FRMD4A: variants seen among roughly 807,000 people sequenced by gnomAD.
FRMD4A encodes the protein FERM domain-containing protein 4A.
FRMD4A carries 29 observed loss-of-function variants against 129.1 expected under a neutral mutation model. That is an observed-to-expected ratio of 0.22 (90% CI 0.17 to 0.31). The LOEUF is 0.31. Among genes scored for constraint, FRMD4A ranks in the 10% least tolerant of loss-of-function variants. The pLI is 1.00. For missense variants in FRMD4A, 1,272 were observed against 1,375.8 expected, an observed-to-expected ratio of 0.92 and a Z score of 1.19; for synonymous variants, 634 against 571.6, an observed-to-expected ratio of 1.11 and a Z score of -1.56.
At chr10:13,680,422 C>A (rs567314617) in intron 15 of FRMD4A, among the ~76,000 whole-genome samples, 18 of 150,144 alleles carry the variant, frequency 1.2e-4, no homozygotes, top group Non-Finnish European at 2.2e-4. Context: ...TTGTGTTTAG[C>A]CCCTTGGAAA....
intron 2 of FRMD4A, among the ~76,000 whole-genome samples, chr10:13,955,076 T>C (rs928325899): frequency 6.7e-6 from 1 of 150,232 alleles, no homozygotes; most frequent in Non-Finnish European, 1.5e-5. Context: ...GGTAAGGTAG[T>C]CTTCCAACTC....
intron 3 of FRMD4A, among the ~76,000 whole-genome samples, chr10:13,840,184 C>A (rs149340459): frequency 2.0e-4 from 30 of 152,218 alleles, no homozygotes; most frequent in Middle Eastern, 3.4e-3. Context: ...GAGATAGGAT[C>A]TTTAGGAGGT....
chr10:13,902,827 G>A (rs2094836353), intron 2 of FRMD4A, among the ~76,000 whole-genome samples: 1 of 139,654 alleles, frequency 7.2e-6, no homozygotes, highest in Admixed American at 7.3e-5. Flanking sequence ...ATGACAGAGT[G>A]AGATGCAGTC....
intron 17 of FRMD4A, chr10:13,668,454 G>A (rs2083238835): frequency 6.6e-6 from 1 of 152,262 alleles, no homozygotes; most frequent in South Asian, 2.1e-4. Flanking sequence ...GCAAATGTCT[G>A]CCTGTTATAT....
rs187408618 is a variant in FRMD4A at position 13,684,865 on chromosome 10, C to T, written c.1117+9033G>A. ...GAAATGACAATCCGTCTCTTTAGACCTTAGAGAAAAAAAAAAAAAAATGAA... is the reference window on the plus strand; with the variant it reads ...GAAATGACAATCCGTCTCTTTAGACTTTAGAGAAAAAAAAAAAAAAATGAA... On this transcript the variant is annotated intron_variant, in intron 15 of 24. Transcript: ENST00000357447. 63 of 969,408 alleles carry T rather than the reference C, an allele frequency of 6.5e-5. No homozygotes were observed. In the East Asian group the frequency reaches 6.3e-3, roughly 97 times the overall value. The allele number at this position is 969,408 out of a possible 1,614,324, so 60.1% of individuals were successfully genotyped here.
intron 2 of FRMD4A, among the ~76,000 whole-genome samples, chr10:13,969,324 C>T (rs551023179): frequency 9.8e-5 from 15 of 152,354 alleles, no homozygotes; most frequent in African/African-American, 2.9e-4. Flanking sequence ...CAGACAAGCA[C>T]GAGGCGTGGT....
chr10:14,323,797 G>A (rs903050797), intron 2 of FRMD4A, among the ~76,000 whole-genome samples: 6 of 152,274 alleles, frequency 3.9e-5, no homozygotes, highest in South Asian at 2.1e-4. Flanking sequence ...TAATTGGCCC[G>A]CGAAGAGCCT....
At chr10:13,671,921 G>A (rs913860085) in intron 16 of FRMD4A, among the ~76,000 whole-genome samples, 23 of 152,312 alleles carry the variant, frequency 1.5e-4, no homozygotes, top group Admixed American at 1.4e-3. Context: ...AAGTTCAGGA[G>A]GCTTTTCTCA....
At position 13,804,523 on chromosome 10, in the gene FRMD4A, T is replaced by TTTTCTTTCTTTCTTTCTTTC. The variant is rs35515807; in HGVS notation, c.206+6271_206+6290dup. 4.0e-4 allele frequency among the ~76,000 whole-genome samples: 58 copies of TTTTCTTTCTTTCTTTCTTTC among 146,746 alleles called. 1 individual carries two copies. The highest frequency in any genetic ancestry group is 1.0e-3 in the African/African-American group (41 of 39,236). On this transcript the variant is annotated intron_variant, in intron 4 of 24. Transcript: ENST00000357447. ...GATGCATCTTCAATGAGTCAGGACT[T>TTTTCTTTCTTTCTTTCTTTC]TTTCTTTCTTTCTTTCTTTCTTTAT...
chr10:13,827,083 A>C (rs1362696308), intron 3 of FRMD4A, among the ~76,000 whole-genome samples: 4 of 152,216 alleles, frequency 2.6e-5, no homozygotes, highest in Non-Finnish European at 5.9e-5. Context: ...AAGTAAGACA[A>C]AGTCCATTGA....
intron 3 of FRMD4A, among the ~76,000 whole-genome samples, chr10:13,827,999 A>G (rs2093729895): frequency 6.6e-6 from 1 of 152,166 alleles, no homozygotes; most frequent in Non-Finnish European, 1.5e-5. Flanking sequence ...CTCTGCAGAG[A>G]GAGCTGCCTT....
intron 2 of FRMD4A, among the ~76,000 whole-genome samples, chr10:14,183,353 C>T (rs545864158): frequency 2.0e-5 from 3 of 152,248 alleles, no homozygotes; most frequent in Non-Finnish European, 2.9e-5. Context: ...AAAGCTCATT[C>T]TTCTAAGTTA....
At chr10:13,838,101 T>C (rs2093904060) in intron 3 of FRMD4A, among the ~76,000 whole-genome samples, 1 of 152,098 alleles carries the variant, frequency 6.6e-6, no homozygotes, top group Non-Finnish European at 1.5e-5. Flanking sequence ...TTTATTTAGT[T>C]ATTTAGAGGT....
chr10:14,200,734 C>T (rs778319210), intron 2 of FRMD4A, among the ~76,000 whole-genome samples: 1 of 152,224 alleles, frequency 6.6e-6, no homozygotes, highest in Non-Finnish European at 1.5e-5. Context: ...GTCCCAGTGG[C>T]AAGCTATGGC....
chr10:14,059,420 G>C (rs1193000261), intron 2 of FRMD4A, among the ~76,000 whole-genome samples: 1 of 152,112 alleles, frequency 6.6e-6, no homozygotes, highest in Admixed American at 6.5e-5. Flanking sequence ...GCCCTGATTG[G>C]ATAGGATTAG....
At chr10:13,913,049 G>A (rs1276129303) in intron 2 of FRMD4A, among the ~76,000 whole-genome samples, 1 of 150,602 alleles carries the variant, frequency 6.6e-6, no homozygotes, top group Admixed American at 6.6e-5. Context: ...CCGTAGCCTG[G>A]GTAAGAAGAG....
In FRMD4A at chr10:14,200,760, C is replaced by G. The variant is rs183904336; in HGVS notation, c.45+129298G>C. 2.6e-5 allele frequency among the ~76,000 whole-genome samples: 4 copies of G among 152,340 alleles called. No individual in the cohort carries two copies. In the East Asian group the frequency reaches 5.8e-4, roughly 22 times the overall value. ...AAGCTATGGCTCTTCCTTTTCAAAT[C>G]AGCCCTTCCAGGCGCTTTTTTCCGG... is the stretch of plus-strand genomic sequence containing the variant. On this transcript the variant is annotated intron_variant, in intron 2 of 24. Coordinates refer to ENST00000357447, the MANE Select transcript of FRMD4A (RefSeq NM_018027.5).
intron 24 of FRMD4A, among the ~76,000 whole-genome samples, chr10:13,650,218 T>C (rs1022723806): frequency 6.6e-6 from 1 of 152,164 alleles, no homozygotes; most frequent in Non-Finnish European, 1.5e-5. Flanking sequence ...TGAATTATTT[T>C]TTTAAACGTA....
intron 2 of FRMD4A, among the ~76,000 whole-genome samples, chr10:14,307,199 T>C (rs1387555844): frequency 1.3e-5 from 2 of 152,240 alleles, no homozygotes; most frequent in African/African-American, 2.4e-5. Flanking sequence ...AAGCAAAATA[T>C]GCATTCGCAA....
Sources: gnomAD v4.1 joint callset for allele counts (sites outside exome capture counted in the v4.1 genomes callset) on GRCh38, gnomAD v4.1.1 for gene constraint, MANE v1.5 for transcripts, NCBI Gene and HGNC (gene_info 2026-07-23, HGNC 2026-07-21) for gene names.